MARCHF5: variants seen among roughly 807,000 people sequenced by gnomAD.
The protein encoded by MARCHF5 is E3 ubiquitin-protein ligase MARCHF5.
A neutral mutation model predicts 36.5 loss-of-function variants in MARCHF5; 5 were observed. The observed-to-expected ratio is 0.14, with a 90% confidence interval of 0.07 to 0.29. MARCHF5 has a LOEUF of 0.29. Ranked by LOEUF, MARCHF5 falls within the 10% of genes least tolerant of loss-of-function variation. MARCHF5 has a pLI of 1.00. For synonymous variants in MARCHF5, 103 were observed against 109.9 expected, an observed-to-expected ratio of 0.94 and a Z score of 0.39; for missense variants, 179 against 336.3, an observed-to-expected ratio of 0.53 and a Z score of 3.66.
chr10:92,339,441 G>T (rs1383608274), intron 2 of MARCHF5, among the ~76,000 whole-genome samples: 1 of 151,480 alleles, frequency 6.6e-6, no homozygotes, highest in Non-Finnish European at 1.5e-5. Context: ...AGGCTGAGGC[G>T]GGTGGATCAC....
chr10:92,294,992 C>T (rs1842930805), intron 1 of MARCHF5, among the ~76,000 whole-genome samples: 1 of 152,056 alleles, frequency 6.6e-6, no homozygotes, highest in African/African-American at 2.4e-5. Context: ...TGTTTGTGCC[C>T]CTGGGTACTA....
chr10:92,337,374 C>A (rs1227782436), intron 2 of MARCHF5, among the ~76,000 whole-genome samples: 1 of 151,860 alleles, frequency 6.6e-6, no homozygotes, highest in Non-Finnish European at 1.5e-5. Context: ...ATTAGCCGGG[C>A]GTGGTGGCAC....
chr10:92,320,770 C>T (rs972329671), intron 2 of MARCHF5, among the ~76,000 whole-genome samples: 4 of 151,916 alleles, frequency 2.6e-5, no homozygotes, highest in African/African-American at 7.3e-5. Context: ...TTAAAAGTTA[C>T]AGTAAGCTAA....
At chr10:92,326,231 G>T (rs940636267) in intron 2 of MARCHF5, among the ~76,000 whole-genome samples, 3 of 152,036 alleles carry the variant, frequency 2.0e-5, no homozygotes, top group African/African-American at 7.2e-5. Context: ...GCTATCATTT[G>T]CTAATAGGCC....
chr10:92,305,878 C>T (rs1353253994), intron 1 of MARCHF5, among the ~76,000 whole-genome samples: 2 of 151,972 alleles, frequency 1.3e-5, no homozygotes, highest in South Asian at 2.1e-4. Flanking sequence ...TGCAGTGAGC[C>T]GTGATTGTGC....
At chr10:92,328,368 G>A (rs1050704905) in intron 2 of MARCHF5, among the ~76,000 whole-genome samples, 5 of 145,254 alleles carry the variant, frequency 3.4e-5, no homozygotes, top group African/African-American at 7.6e-5. Flanking sequence ...TTTTTTGCCA[G>A]CTTTTTCAAT....
intron 2 of MARCHF5, among the ~76,000 whole-genome samples, chr10:92,321,536 A>G: frequency 6.6e-6 from 1 of 151,924 alleles, no homozygotes; most frequent in Non-Finnish European, 1.5e-5. Context: ...TTCTTTTGTG[A>G]CATCTTTGGT....
chr10:92,323,400 A>C (rs943972204), intron 2 of MARCHF5, among the ~76,000 whole-genome samples: 5 of 152,088 alleles, frequency 3.3e-5, no homozygotes, highest in African/African-American at 1.2e-4. Context: ...TACCACCCAG[A>C]GTGTCCATAG....
intron 2 of MARCHF5, among the ~76,000 whole-genome samples, chr10:92,315,459 C>A (rs545507501): frequency 1.9e-4 from 29 of 152,282 alleles, no homozygotes; most frequent in African/African-American, 6.5e-4. Flanking sequence ...TTATTTTGAT[C>A]TTTTAATGAC....
chr10:92,326,822 AT>A (rs1843366730), intron 2 of MARCHF5, among the ~76,000 whole-genome samples: 1 of 150,464 alleles, frequency 6.6e-6, no homozygotes. Context: ...TTAAGTTTAT[AT>A]TTTTCCCCCA....
intron 2 of MARCHF5, among the ~76,000 whole-genome samples, chr10:92,317,041 G>A (rs978885397): frequency 1.1e-4 from 16 of 152,136 alleles, no homozygotes; most frequent in African/African-American, 3.6e-4. Flanking sequence ...ATTCAGAGGA[G>A]AGCATCTCAA....
chr10:92,316,709 C>T lies in MARCHF5; in HGVS notation c.238+5372C>T, dbSNP rs1188486800. 2.0e-5 allele frequency among the ~76,000 whole-genome samples: 3 copies of T among 151,344 alleles called. No individual in the cohort carries two copies. The East Asian group carries it at 5.8e-4, about 29-fold the overall frequency. ...TTCCAAGTAGATGGGGTTACAGGCA[C>T]GTGCCACCACACCCAGCTAATTTTT... On this transcript the variant is annotated intron_variant, in intron 2 of 5. Coordinates refer to ENST00000358935, the MANE Select transcript of MARCHF5 (RefSeq NM_017824.5).
At chr10:92,301,538 A>G (rs1157169575) in intron 1 of MARCHF5, among the ~76,000 whole-genome samples, 1 of 152,172 alleles carries the variant, frequency 6.6e-6, no homozygotes, top group African/African-American at 2.4e-5. Flanking sequence ...TTAAGATGGG[A>G]TTAATTGTGC....
intron 1 of MARCHF5, among the ~76,000 whole-genome samples, chr10:92,295,080 C>T (rs572069475): frequency 6.6e-6 from 1 of 152,234 alleles, no homozygotes; most frequent in East Asian, 1.9e-4. Flanking sequence ...AACATTTACA[C>T]TTATTGAATT....
intron 3 of MARCHF5, 90 bp downstream of exon 3, chr10:92,340,893 A>C: frequency 1.8e-6 from 2 of 1,120,422 alleles, no homozygotes; most frequent in Non-Finnish European, 2.5e-6. Context: ...TATTATTTTG[A>C]ATAAGAAATA....
At chr10:92,305,589 T>C (rs1246644656) in intron 1 of MARCHF5, among the ~76,000 whole-genome samples, 1 of 152,194 alleles carries the variant, frequency 6.6e-6, no homozygotes, top group Non-Finnish European at 1.5e-5. Context: ...TTTGCATTTC[T>C]AATGAGTCCC....
rs1036935435 is a variant in MARCHF5 at position 92,353,732 on chromosome 10, A to C, written c.*2525A>C. On this transcript the variant is annotated 3_prime_UTR_variant, in exon 6 of 6. Transcript: ENST00000358935. ...TTTTAAACCTCTTTTATAAAATTCA[A>C]TGACGACTACTAGAATTCTTTTCAA... 12 of 120,126 alleles carry C rather than the reference A, an allele frequency of 1.0e-4. No homozygotes were observed. The Admixed American group carries it at 1.0e-3, about 10-fold the overall frequency. The allele number at this position is 120,126 out of a possible 1,614,324, so 7.4% of individuals were successfully genotyped here.
intron 2 of MARCHF5, among the ~76,000 whole-genome samples, chr10:92,322,175 C>T (rs1332991531): frequency 2.5e-5 from 3 of 121,900 alleles, no homozygotes; most frequent in Admixed American, 1.1e-4. Context: ...ACCCAGGAGG[C>T]GAAGGTTTCA....
At chr10:92,327,224 G>A (rs1843373565) in intron 2 of MARCHF5, among the ~76,000 whole-genome samples, 1 of 150,920 alleles carries the variant, frequency 6.6e-6, no homozygotes, top group African/African-American at 2.4e-5. Flanking sequence ...GAACACATCA[G>A]AAACTAGAGG....
Sources: gnomAD v4.1 joint callset for allele counts (sites outside exome capture counted in the v4.1 genomes callset) on GRCh38, gnomAD v4.1.1 for gene constraint, MANE v1.5 for transcripts, NCBI Gene and HGNC (gene_info 2026-07-23, HGNC 2026-07-21) for gene names.